MACROD2: variants seen among roughly 807,000 people sequenced by gnomAD.
MACROD2 encodes mono-ADP ribosylhydrolase 2, also known as ADP-ribose glycohydrolase MACROD2.
A neutral mutation model predicts 70.4 loss-of-function variants in MACROD2; 36 were observed. The observed-to-expected ratio is 0.51, with a 90% confidence interval of 0.39 to 0.68. MACROD2 has a LOEUF of 0.68. Ranked by LOEUF, MACROD2 falls within the 30% of genes least tolerant of loss-of-function variation. MACROD2 has a pLI of 0.00. For synonymous variants in MACROD2, 172 were observed against 178.8 expected (o/e 0.96, Z 0.30); for missense variants, 496 against 538.4 (o/e 0.92, Z 0.78).
At chr20:15,257,932 T>G (rs1325367294) in intron 6 of MACROD2, among the ~76,000 whole-genome samples, 1 of 151,900 alleles carries the variant, frequency 6.6e-6, no homozygotes, top group East Asian at 1.9e-4. Flanking sequence ...GACCTCCCAG[T>G]GGGACAAGAT....
chr20:14,022,542 T>C (rs949510261), intron 2 of MACROD2, among the ~76,000 whole-genome samples: 4 of 151,892 alleles, frequency 2.6e-5, no homozygotes, highest in African/African-American at 9.7e-5. Context: ...GCTGCACCCA[T>C]CAACCCGTCA....
intron 5 of MACROD2, among the ~76,000 whole-genome samples, chr20:14,810,436 A>G (rs1184880607): frequency 6.6e-6 from 1 of 152,164 alleles, no homozygotes. Flanking sequence ...GATGGAATGT[A>G]TCTCAAAATA....
intron 4 of MACROD2, among the ~76,000 whole-genome samples, chr20:14,636,035 A>T (rs1272504714): frequency 6.6e-6 from 1 of 152,168 alleles, no homozygotes; most frequent in African/African-American, 2.4e-5. Context: ...TGCATTTATT[A>T]ATTTTTAAAT....
intron 8 of MACROD2, among the ~76,000 whole-genome samples, chr20:15,717,739 G>A (rs2050726355): frequency 6.6e-6 from 1 of 152,164 alleles, no homozygotes; most frequent in Non-Finnish European, 1.5e-5. Flanking sequence ...GGTGAATGGA[G>A]GACCTTGGGA....
intron 2 of MACROD2, among the ~76,000 whole-genome samples, chr20:14,022,197 T>C (rs1422427191): frequency 2.0e-5 from 3 of 152,204 alleles, no homozygotes; most frequent in Non-Finnish European, 4.4e-5. Context: ...AAGATACACA[T>C]TTTATATTCC....
At chr20:14,389,611 G>A (rs533510135) in intron 3 of MACROD2, among the ~76,000 whole-genome samples, 26 of 152,146 alleles carry the variant, frequency 1.7e-4, no homozygotes, top group East Asian at 7.7e-4. Flanking sequence ...CAGGGGCAAC[G>A]GGAGCTGGCT....
At chr20:15,475,002 T>C (rs191145330) in intron 7 of MACROD2, among the ~76,000 whole-genome samples, 1 of 138,568 alleles carries the variant, frequency 7.2e-6, no homozygotes, top group Admixed American at 6.9e-5. Flanking sequence ...AGTTGCTGAT[T>C]GAAAATATTC....
intron 3 of MACROD2, among the ~76,000 whole-genome samples, chr20:14,486,127 A>T (rs941473765): frequency 1.3e-5 from 2 of 152,092 alleles, no homozygotes; most frequent in Non-Finnish European, 2.9e-5. Flanking sequence ...AAACTCAAGG[A>T]GTTTTTCATG....
chr20:14,601,414 C>T (rs2123405186), intron 4 of MACROD2, among the ~76,000 whole-genome samples: 1 of 152,266 alleles, frequency 6.6e-6, no homozygotes, highest in South Asian at 2.1e-4. Context: ...GCTTACTGGC[C>T]ATTCACCTTC....
rs71190154 is a variant in MACROD2, at chr20:14,840,033, CT to C, written c.418+155088del. On this transcript the variant is annotated intron_variant, in intron 5 of 17. Coordinates refer to ENST00000684519, the MANE Select transcript of MACROD2 (RefSeq NM_001351661.2). ...AAAACATCTTTTAGAGTCTCCATGT[CT>C]TTTTTTTTTTTTTCTTTTTTGAGAT... 2.8e-3 allele frequency among the ~76,000 whole-genome samples: 393 copies of C among 142,476 alleles called. 2 individuals are homozygous for C. The highest frequency in any genetic ancestry group is 0.011 in the Middle Eastern group (3 of 272). The allele number at this position is 142,476 out of a possible 152,430, so 93.5% of individuals were successfully genotyped here.
intron 13 of MACROD2, among the ~76,000 whole-genome samples, chr20:15,978,834 T>A (rs1218780917): frequency 6.6e-6 from 1 of 152,180 alleles, no homozygotes; most frequent in Non-Finnish European, 1.5e-5. Flanking sequence ...GACTAGAAAG[T>A]GGGAAAACCG....
chr20:16,000,374 C>T (rs1000914201), intron 15 of MACROD2, among the ~76,000 whole-genome samples: 1 of 152,200 alleles, frequency 6.6e-6, no homozygotes, highest in Non-Finnish European at 1.5e-5. Flanking sequence ...CCCTCCCCAA[C>T]CTGATAGATT....
rs188001422 is a variant in MACROD2 at position 15,887,108 on chromosome 20, A to T, written c.775+1297A>T. ...CAGGCTCAGTCTGGGCAGCTCCATC[A>T]GCAGGGAGCTCTTTAAATTCTGATG... On this transcript the variant is annotated intron_variant, in intron 10 of 17. Transcript: ENST00000684519. 3.0e-4 allele frequency among the ~76,000 whole-genome samples: 46 copies of T among 152,248 alleles called. No individual in the cohort carries two copies. In the East Asian group the frequency reaches 8.3e-3, roughly 27 times the overall value.
At chr20:14,780,556 C>G (rs1408184055) in intron 5 of MACROD2, among the ~76,000 whole-genome samples, 1 of 124,152 alleles carries the variant, frequency 8.1e-6, no homozygotes, top group South Asian at 2.5e-4. Flanking sequence ...GAGTGAAACT[C>G]CGTCTCAAAA....
intron 8 of MACROD2, among the ~76,000 whole-genome samples, chr20:15,612,575 A>C (rs1014396285): frequency 6.6e-6 from 1 of 152,372 alleles, no homozygotes; most frequent in Admixed American, 6.5e-5. Flanking sequence ...ATGAGACTGC[A>C]GACCTCCACG....
chr20:15,064,543 C>T (rs897412683), intron 5 of MACROD2, among the ~76,000 whole-genome samples: 1 of 152,170 alleles, frequency 6.6e-6, no homozygotes, highest in African/African-American at 2.4e-5. Context: ...TTTGTTGACT[C>T]TTCATTCATT....
At chr20:15,904,299 G>T (rs187760579) in intron 10 of MACROD2, among the ~76,000 whole-genome samples, 1 of 152,006 alleles carries the variant, frequency 6.6e-6, no homozygotes, top group Non-Finnish European at 1.5e-5. Flanking sequence ...GATTACAGGC[G>T]TGAGCAACCG....
intron 7 of MACROD2, among the ~76,000 whole-genome samples, chr20:15,449,163 T>C (rs973470510): frequency 6.6e-6 from 1 of 152,170 alleles, no homozygotes; most frequent in Non-Finnish European, 1.5e-5. Context: ...ATATGGCACC[T>C]GTTCCATGGA....
chr20:14,824,219 A>G (rs1051533239), intron 5 of MACROD2, among the ~76,000 whole-genome samples: 1 of 152,146 alleles, frequency 6.6e-6, no homozygotes, highest in Admixed American at 6.6e-5. Flanking sequence ...ATAAAATTCC[A>G]AAGTTCTCAG....
Sources: gnomAD v4.1 joint callset for allele counts (sites outside exome capture counted in the v4.1 genomes callset) on GRCh38, gnomAD v4.1.1 for gene constraint, MANE v1.5 for transcripts, NCBI Gene and HGNC (gene_info 2026-07-23, HGNC 2026-07-21) for gene names.